Variants in GDAP1 observed in about 807,000 individuals in gnomAD.
GDAP1 encodes ganglioside-induced differentiation-associated protein 1.
Under a neutral mutation model 40.1 loss-of-function variants are expected in GDAP1, and 34 were observed. That is an observed-to-expected ratio of 0.85 (90% CI 0.64 to 1.13). The LOEUF is 1.13. Among genes scored for constraint, GDAP1 ranks in the 50% most tolerant of loss-of-function variants. The probability of loss-of-function intolerance (pLI) is 0.00; values close to 1 mark genes in which losing one functional copy is unlikely to be tolerated. For missense variants in GDAP1, 374 were observed against 433.7 expected (o/e 0.86, Z 1.22); for synonymous variants, 170 against 157.4 (o/e 1.08, Z -0.60).
intron 3 of GDAP1, among the ~76,000 whole-genome samples, 182 bp from the exon 4 acceptor site, chr8:74,361,702 A>G (rs1809373109): frequency 6.6e-6 from 1 of 151,906 alleles, no homozygotes; most frequent in Non-Finnish European, 1.5e-5. Flanking sequence ...GCCGGCAGAT[A>G]CTCTTATGGT....
intron 2 of GDAP1, among the ~76,000 whole-genome samples, chr8:74,402,896 T>TTTG (rs367960112): frequency 1.3e-5 from 2 of 150,006 alleles, no homozygotes; most frequent in African/African-American, 5.1e-5. Context: ...TTCTTATTCT[T>TTTG]TTGTTGTTGT....
chr8:74,453,608 T>C (rs1806307457), intron 2 of GDAP1, among the ~76,000 whole-genome samples: 1 of 84,482 alleles, frequency 1.2e-5, no homozygotes, highest in Admixed American at 1.2e-4. Context: ...TTAACTTTTT[T>C]ATATGTAAGT....
intron 2 of GDAP1, among the ~76,000 whole-genome samples, chr8:74,376,076 T>C (rs539183557): frequency 6.6e-6 from 1 of 152,308 alleles, no homozygotes; most frequent in South Asian, 2.1e-4. Flanking sequence ...TACAGCCACA[T>C]TGAAATCTTC....
chr8:74,373,324 T>A (rs942614663), intron 2 of GDAP1, among the ~76,000 whole-genome samples: 3 of 152,244 alleles, frequency 2.0e-5, no homozygotes, highest in Admixed American at 6.5e-5. Flanking sequence ...GGGGATGGCA[T>A]TGAATCTATA....
At chr8:74,371,472 A>G (rs938079894), downstream of GDAP1, among the ~76,000 whole-genome samples, 1 of 151,996 alleles carries the variant, frequency 6.6e-6, no homozygotes, top group Non-Finnish European at 1.5e-5. Context: ...CATTCTGGCT[A>G]ACACGGTGAA....
chr8:74,383,770 T>A (rs1017948663), intron 2 of GDAP1, among the ~76,000 whole-genome samples: 3 of 152,146 alleles, frequency 2.0e-5, no homozygotes, highest in Admixed American at 6.5e-5. Context: ...TCAGGTTTGG[T>A]TTTTAGCTGC....
At chr8:74,430,472 T>A (rs1233555097) in intron 2 of GDAP1, among the ~76,000 whole-genome samples, 1 of 152,174 alleles carries the variant, frequency 6.6e-6, no homozygotes, top group Admixed American at 6.5e-5. Flanking sequence ...ATGAGGAATA[T>A]CTTTATGATA....
intron 2 of GDAP1, among the ~76,000 whole-genome samples, chr8:74,438,856 C>T (rs1445406930): frequency 6.6e-6 from 1 of 152,182 alleles, no homozygotes; most frequent in Non-Finnish European, 1.5e-5. Context: ...CTTGCCTCAG[C>T]TTCCCAAAGT....
chr8:74,428,028 A>C (rs1247471303), intron 2 of GDAP1, among the ~76,000 whole-genome samples: 1 of 152,206 alleles, frequency 6.6e-6, no homozygotes, highest in Non-Finnish European at 1.5e-5. Context: ...CCCCAGAGAC[A>C]ACAGTACCTA....
intron 2 of GDAP1, among the ~76,000 whole-genome samples, chr8:74,357,946 C>G (rs1026876108): frequency 6.6e-6 from 1 of 152,194 alleles, no homozygotes; most frequent in African/African-American, 2.4e-5. Flanking sequence ...CCCAGTTTTC[C>G]TTTGAAAAAC....
In GDAP1 at chr8:74,350,474, C is replaced by A; in HGVS notation, c.13C>A (p.Gln5Lys). Residue 5 changes from glutamine to lysine, a missense_variant, in exon 1 of 6, where the codon CAG becomes AAG. Physicochemically the swap from Gln to Lys is moderately conservative, Grantham distance 53. Coordinates refer to ENST00000220822, the MANE Select transcript of GDAP1 (RefSeq NM_018972.4). MAER[Q>K]EEQRGSPPLR... ...CGCGCACCCCAAGATGGCTGAGAGG[C>A]AGGAAGAGCAGAGAGGGAGCCCGCC... 1 of 1,609,772 alleles carries A rather than the reference C, an allele frequency of 6.2e-7. No individual in the cohort carries two copies.
Position 74,401,454 on chromosome 8 carries a change from CTCTATTTTTTTCAAAGTTT to C in GDAP1, c.165+50135_165+50153del, listed in dbSNP as rs1477391396. Among the ~76,000 whole-genome samples, 48 of 149,980 alleles carry C rather than the reference CTCTATTTTTTTCAAAGTTT, an allele frequency of 3.2e-4. 4 individuals carry two copies. Among genetic ancestry groups the C allele is most frequent in the African/African-American group, 1.2e-3 (46 of 39,322 alleles). On this transcript the variant is annotated intron_variant, in intron 2 of 2. Transcript: ENST00000523640. Reference sequence around the variant, plus strand: ...TTGGTTATTCTAGTTATACATTCGTCTCTATTTTTTTCAAAGTTTTTAATTTCTTTGCCTTTGGTTTGAA... The same window carrying C: ...TTGGTTATTCTAGTTATACATTCGTCTTAATTTCTTTGCCTTTGGTTTGAA...
chr8:74,464,420 A>G (rs1341401486), intron 2 of GDAP1, among the ~76,000 whole-genome samples: 3 of 152,172 alleles, frequency 2.0e-5, no homozygotes, highest in Non-Finnish European at 4.4e-5. Flanking sequence ...TTTCTGTAAG[A>G]CCCTAAGCAA....
At chr8:74,393,634 C>T (rs576455397) in intron 2 of GDAP1, among the ~76,000 whole-genome samples, 104 of 152,190 alleles carry the variant, frequency 6.8e-4, no homozygotes, top group African/African-American at 2.3e-3. Flanking sequence ...TGTTTCTTGT[C>T]GACCTGGGAG....
chr8:74,439,247 A>G lies in GDAP1; in HGVS notation c.166-49431A>G, dbSNP rs543201707. The stretch of plus-strand genomic sequence containing the variant: ...TATATATATATGTGTGTGTGTATAT[A>G]CACATATTACATATATATGCATTGC... On this transcript the variant is annotated intron_variant, in intron 2 of 2. Coordinates refer to the GDAP1 transcript ENST00000523640. Among the ~76,000 whole-genome samples, 10 of 152,250 alleles carry G rather than the reference A, an allele frequency of 6.6e-5. No individual in the cohort carries two copies. In the South Asian group the frequency reaches 2.1e-3, roughly 32 times the overall value.
rs1167067536 is a variant in GDAP1 at position 74,468,547 on chromosome 8, A to G, written c.166-20131A>G. ...CACATGAATGTGTATATATACACAC[A>G]CACATATATAGGTTGCTAATTGCTA... On this transcript the variant is annotated intron_variant, in intron 2 of 2. Coordinates refer to the GDAP1 transcript ENST00000523640. Among the ~76,000 whole-genome samples the G allele has an allele frequency of 3.3e-5, 5 of 151,986 alleles. No homozygotes were observed. In the East Asian group the frequency reaches 9.7e-4, roughly 29 times the overall value.
At chr8:74,415,384 C>T (rs981469909) in intron 2 of GDAP1, among the ~76,000 whole-genome samples, 2 of 150,030 alleles carry the variant, frequency 1.3e-5, no homozygotes, top group South Asian at 2.1e-4. Flanking sequence ...ATGCCTCCCC[C>T]ACTTGGAAAG....
At chr8:74,386,251 T>TG (rs1810023359) in intron 2 of GDAP1, among the ~76,000 whole-genome samples, 1 of 151,900 alleles carries the variant, frequency 6.6e-6, no homozygotes, top group Non-Finnish European at 1.5e-5. Flanking sequence ...GCTTTCGTCA[T>TG]AAGTTTTTGC....
intron 2 of GDAP1, among the ~76,000 whole-genome samples, chr8:74,461,403 A>G (rs750619407): frequency 6.6e-6 from 1 of 152,238 alleles, no homozygotes; most frequent in Non-Finnish European, 1.5e-5. Context: ...AAAATTAATC[A>G]TGAAAGACTG....
Sources: allele counts gnomAD v4.1 joint callset (sites outside exome capture counted in the v4.1 genomes callset), GRCh38; gene constraint gnomAD v4.1.1; transcripts MANE v1.5; gene names NCBI Gene and HGNC (gene_info 2026-07-23, HGNC 2026-07-21).